HPSE2: variants seen among roughly 807,000 people sequenced by gnomAD.
HPSE2 encodes the protein inactive heparanase-2.
In HPSE2, 38 loss-of-function variants were observed where a neutral mutation model predicts 60.5. The observed-to-expected ratio is 0.63, with a 90% confidence interval of 0.48 to 0.82. HPSE2 has a LOEUF of 0.82. HPSE2 is among the 40% of genes least tolerant of loss of function. The pLI, the probability that HPSE2 is intolerant of heterozygous loss-of-function variation, is 0.00. For missense variants in HPSE2, 713 were observed against 740.4 expected (o/e 0.96, Z 0.43); for synonymous variants, 295 against 293.2 (o/e 1.01, Z -0.06).
chr10:98,657,396 A>T (rs1947101615), intron 6 of HPSE2, among the ~76,000 whole-genome samples: 1 of 150,732 alleles, frequency 6.6e-6, no homozygotes, highest in South Asian at 2.1e-4. Context: ...CAGTGGTGTG[A>T]TCTCGGCTCA....
intron 9 of HPSE2, among the ~76,000 whole-genome samples, chr10:98,518,752 G>C (rs1452892336): frequency 6.6e-6 from 1 of 151,884 alleles, no homozygotes; most frequent in Non-Finnish European, 1.5e-5. Context: ...ATCTCATCAG[G>C]TTGTTGTGAA....
At chr10:98,845,744 C>T (rs902300746) in intron 3 of HPSE2, among the ~76,000 whole-genome samples, 1 of 152,110 alleles carries the variant, frequency 6.6e-6, no homozygotes, top group South Asian at 2.1e-4. Context: ...GGGGACTTCC[C>T]GTCTACTCTC....
At chr10:98,730,065 GAA>G (rs71009711) in intron 4 of HPSE2, among the ~76,000 whole-genome samples, 22,191 of 152,076 alleles carry the variant, frequency 0.15, 1,958 homozygotes, top group Admixed American at 0.23. Context: ...AGTACATAGA[GAA>G]AACATCCTTC....
At chr10:98,699,180 C>T (rs537977982) in intron 5 of HPSE2, among the ~76,000 whole-genome samples, 1 of 151,848 alleles carries the variant, frequency 6.6e-6, no homozygotes, top group African/African-American at 2.4e-5. Flanking sequence ...CTGGCAGAGA[C>T]ACAACAAAAA....
At chr10:99,202,116 T>G (rs1240443006) in intron 2 of HPSE2, among the ~76,000 whole-genome samples, 1 of 152,156 alleles carries the variant, frequency 6.6e-6, no homozygotes, top group Admixed American at 6.5e-5. Flanking sequence ...TATAGATAGA[T>G]AGAGATATAG....
At chr10:99,184,819 T>TAGAGAGAGAGAGAG (rs1177556672) in intron 2 of HPSE2, among the ~76,000 whole-genome samples, 1 of 19,858 alleles carries the variant, frequency 5.0e-5, no homozygotes, top group Non-Finnish European at 9.9e-5. Flanking sequence ...TATATATATA[T>TAGAGAGAGAGAGAG]AGAGAGAGAG....
At chr10:99,121,056 A>G (rs1234131794) in intron 3 of HPSE2, among the ~76,000 whole-genome samples, 2 of 152,202 alleles carry the variant, frequency 1.3e-5, no homozygotes, top group East Asian at 1.9e-4. Context: ...AAATCAACCT[A>G]AATGCCCATC....
intron 3 of HPSE2, among the ~76,000 whole-genome samples, chr10:99,102,152 A>G (rs1234973561): frequency 1.5e-5 from 2 of 137,646 alleles, no homozygotes; most frequent in Admixed American, 7.6e-5. Context: ...TAAAGGAAAT[A>G]GAGACACAAA....
At chr10:99,266,464 A>C in the HPSE2 span, among the ~76,000 whole-genome samples, 1 of 151,616 alleles carries the variant, frequency 6.6e-6, no homozygotes, top group African/African-American at 2.4e-5. Flanking sequence ...AGAACAACAC[A>C]CCCATCCCCC....
chr10:98,659,472 C>T (rs531849453), intron 6 of HPSE2, among the ~76,000 whole-genome samples: 2 of 152,108 alleles, frequency 1.3e-5, no homozygotes, highest in Non-Finnish European at 2.9e-5. Context: ...TTTTGAAGTT[C>T]GTTCACATTG....
chr10:98,853,941 C>T (rs747690037), intron 3 of HPSE2, among the ~76,000 whole-genome samples: 5 of 152,110 alleles, frequency 3.3e-5, no homozygotes, highest in Non-Finnish European at 4.4e-5. Flanking sequence ...TCTTCTTCAT[C>T]GTCCTTCTGG....
intron 3 of HPSE2, among the ~76,000 whole-genome samples, chr10:99,078,580 C>A (rs1044968803): frequency 6.6e-6 from 1 of 151,868 alleles, no homozygotes; most frequent in Non-Finnish European, 1.5e-5. Flanking sequence ...TGATGCTGAG[C>A]CTTGGGATAT....
chr10:98,879,346 A>G (rs998925564), intron 3 of HPSE2, among the ~76,000 whole-genome samples: 13 of 152,036 alleles, frequency 8.6e-5, no homozygotes, highest in African/African-American at 3.1e-4. Flanking sequence ...AGATGCTCCT[A>G]GTCTGTGATT....
rs139348877 is a variant in HPSE2, at chr10:99,235,786, G to T, written c.17C>A (p.Ala6Asp). 4 of 1,613,360 alleles carry T rather than the reference G, an allele frequency of 2.5e-6. No individual in the cohort carries two copies. The highest frequency in any genetic ancestry group is 1.3e-5 in the African/African-American group (1 of 74,918). The change falls in exon 1 of 12, where the codon GCC becomes GAC. Residue 6 changes from alanine to aspartate, a missense_variant. Ala to Asp is a moderately radical substitution (Grantham distance 126, BLOSUM62 -2). Coordinates refer to ENST00000370552, the MANE Select transcript of HPSE2 (RefSeq NM_021828.5). Reference protein sequence around the residue: MRVLCAFPEAMPSSNS... With the variant: MRVLCDFPEAMPSSNS... ...GCTGGAGGGCATGGCTTCAGGGAAG[G>T]CACAAAGCACCCTCATTCAATCCCT...
chr10:98,498,452 C>T (rs1462462057), intron 9 of HPSE2, among the ~76,000 whole-genome samples: 2 of 152,138 alleles, frequency 1.3e-5, no homozygotes, highest in Admixed American at 1.3e-4. Context: ...GAGGAGAGTA[C>T]TACATCAAGG....
chr10:98,657,455 C>A (rs557855430), intron 6 of HPSE2, among the ~76,000 whole-genome samples: 5 of 152,110 alleles, frequency 3.3e-5, no homozygotes, highest in Admixed American at 2.6e-4. Context: ...TTCAACACCC[C>A]CCGCCCCAGT....
intron 9 of HPSE2, among the ~76,000 whole-genome samples, chr10:98,515,425 A>C (rs1466514720): frequency 6.6e-6 from 1 of 152,248 alleles, no homozygotes; most frequent in African/African-American, 2.4e-5. Flanking sequence ...AAATCAATTA[A>C]TGAGTAAACA....
At chr10:98,538,284 A>C (rs1943352109) in intron 9 of HPSE2, among the ~76,000 whole-genome samples, 1 of 152,178 alleles carries the variant, frequency 6.6e-6, no homozygotes, top group Non-Finnish European at 1.5e-5. Flanking sequence ...ACACCCGCTA[A>C]GCCCCTTGGG....
At chr10:98,980,719 A>G (rs922133730) in intron 3 of HPSE2, among the ~76,000 whole-genome samples, 1 of 152,172 alleles carries the variant, frequency 6.6e-6, no homozygotes, top group Non-Finnish European at 1.5e-5. Context: ...TTTGTCCACG[A>G]AGACTCAAAT....
Sources: gnomAD v4.1 joint callset for allele counts (sites outside exome capture counted in the v4.1 genomes callset) on GRCh38, gnomAD v4.1.1 for gene constraint, MANE v1.5 for transcripts, NCBI Gene and HGNC (gene_info 2026-07-23, HGNC 2026-07-21) for gene names.